PAG1: variants seen among roughly 807,000 people sequenced by gnomAD.
PAG1 encodes phosphoprotein membrane anchor with glycosphingolipid microdomains 1.
A neutral mutation model predicts 31.7 loss-of-function variants in PAG1; 23 were observed. The observed-to-expected ratio is 0.73, with a 90% CI of 0.52 to 1.03. The LOEUF (loss-of-function observed/expected upper bound fraction) is 1.03, where lower values mean the gene tolerates loss of function less well. PAG1 is among the 50% of genes least tolerant of loss of function. The pLI is 0.00. For missense variants in PAG1, 473 were observed against 540.7 expected, an observed-to-expected ratio of 0.87 and a Z score of 1.24; for synonymous variants, 214 against 210.3, an observed-to-expected ratio of 1.02 and a Z score of -0.15.
rs1421998002 is a variant in PAG1 at position 80,968,237 on chromosome 8, C to T, written c.*8307G>A. The T allele has an allele frequency of 6.6e-6, 1 of 152,182 alleles. No individual in the cohort carries two copies. Among genetic ancestry groups the T allele is most frequent in the Non-Finnish European group, 1.5e-5 (1 of 68,040 alleles). The allele number at this position is 152,182 out of a possible 1,614,324, so 9.4% of individuals were successfully genotyped here. A position where few individuals can be genotyped will look rare whatever the true frequency, so the allele number is the denominator to read the frequency against. ...TTTCTTCCGAAGAGTTGAAAGCATT[C>T]GTGCTTATCTCTATTATTTCGTTTG... is the stretch of plus-strand genomic sequence containing the variant. On this transcript the variant is annotated 3_prime_UTR_variant, in exon 9 of 9. Coordinates refer to ENST00000220597, the MANE Select transcript of PAG1 (RefSeq NM_018440.4).
At chr8:81,027,210 C>T (rs953250312) in intron 3 of PAG1, among the ~76,000 whole-genome samples, 1 of 152,050 alleles carries the variant, frequency 6.6e-6, no homozygotes, top group African/African-American at 2.4e-5. Flanking sequence ...CCATGTTGCC[C>T]AGGCTGGTCT....
At chr8:81,032,588 G>C (rs534161013) in intron 2 of PAG1, among the ~76,000 whole-genome samples, 8 of 152,300 alleles carry the variant, frequency 5.3e-5, no homozygotes, top group African/African-American at 1.7e-4. Flanking sequence ...GTGTTAAGAG[G>C]ATGTAGAGAT....
chr8:81,088,466 C>T (rs573883413), intron 1 of PAG1, among the ~76,000 whole-genome samples: 2 of 152,130 alleles, frequency 1.3e-5, no homozygotes, highest in South Asian at 4.2e-4. Context: ...GGGGTTAGGA[C>T]AAATTGCAAA....
intron 1 of PAG1, among the ~76,000 whole-genome samples, chr8:81,108,758 G>T (rs1483062080): frequency 6.6e-6 from 1 of 152,144 alleles, no homozygotes; most frequent in African/African-American, 2.4e-5. Flanking sequence ...AGGAAGTACT[G>T]CTCACACAGC....
At chr8:81,065,652 G>A (rs1268762691) in intron 2 of PAG1, among the ~76,000 whole-genome samples, 1 of 151,416 alleles carries the variant, frequency 6.6e-6, no homozygotes, top group Non-Finnish European at 1.5e-5. Flanking sequence ...CCCATTAGAA[G>A]CATTTTTCAA....
In PAG1 at chr8:81,051,701, TG is replaced by T. The variant is rs146049359; in HGVS notation, c.-175+18410del. ...AACATTAAACTCTATTGTACTCTGA[TG>T]TTTCCTTTGATCTTTGATTTTATGT... On this transcript the variant is annotated intron_variant, in intron 2 of 8. Transcript: ENST00000220597. Among the ~76,000 whole-genome samples the T allele has an allele frequency of 1.2e-3, 179 of 152,382 alleles. 5 individuals are homozygous for T. In the East Asian group the frequency reaches 0.033, roughly 28 times the overall value.
rs372502522 is a variant in PAG1 at position 81,073,378 on chromosome 8, C to T, written c.-233-3208G>A. The stretch of plus-strand genomic sequence containing the variant: ...TGAGAGCATCAAATGAGACAAGCGA[C>T]AGGATTCTCAGATGGAATTTGATGT... On this transcript the variant is annotated intron_variant, in intron 1 of 8. Coordinates refer to ENST00000220597, the MANE Select transcript of PAG1 (RefSeq NM_018440.4). Among the ~76,000 whole-genome samples, 4 of 152,198 alleles carry T rather than the reference C, an allele frequency of 2.6e-5. No homozygotes were observed. The East Asian group carries it at 7.7e-4, about 29-fold the overall frequency.
intron 8 of PAG1, among the ~76,000 whole-genome samples, chr8:80,979,473 C>T (rs1052118254): frequency 6.6e-6 from 1 of 152,078 alleles, no homozygotes; most frequent in East Asian, 1.9e-4. Flanking sequence ...AAGGAAGTAT[C>T]GAGATGACCC....
At chr8:81,008,723 CTGAAGGACA>C (rs1807929764) in intron 3 of PAG1, among the ~76,000 whole-genome samples, 1 of 152,000 alleles carries the variant, frequency 6.6e-6, no homozygotes, top group African/African-American at 2.4e-5. Flanking sequence ...TTCAGATGAA[CTGAAGGACA>C]TGCTCTGCCA....
At chr8:81,094,447 G>C (rs1421863290) in intron 1 of PAG1, among the ~76,000 whole-genome samples, 1 of 152,152 alleles carries the variant, frequency 6.6e-6, no homozygotes, top group Non-Finnish European at 1.5e-5. Flanking sequence ...AGCCACTTAA[G>C]AAATAAATGA....
intron 2 of PAG1, among the ~76,000 whole-genome samples, chr8:81,044,622 C>T (rs900417160): frequency 5.3e-5 from 8 of 152,296 alleles, no homozygotes; most frequent in African/African-American, 1.9e-4. Context: ...TTTGTTACAG[C>T]AGCCACAAGA....
rs780869064 is a variant in PAG1, at chr8:81,038,067, G to C, written c.-174-7978C>G. Among the ~76,000 whole-genome samples, 129 of 152,208 alleles carry C rather than the reference G, an allele frequency of 8.5e-4. 1 individual carries two copies. The highest frequency in any genetic ancestry group is 1.7e-3 in the Non-Finnish European group (116 of 68,046). On this transcript the variant is annotated intron_variant, in intron 2 of 8. Coordinates refer to ENST00000220597, the MANE Select transcript of PAG1 (RefSeq NM_018440.4). Reference sequence around the variant, plus strand: ...CTCAGGCATTTCCTGATGAGAAACAGTTCTCTGACTTCTAAGTTATCTAAT... The same window carrying C: ...CTCAGGCATTTCCTGATGAGAAACACTTCTCTGACTTCTAAGTTATCTAAT...
chr8:81,089,803 T>C (rs1809417660), intron 1 of PAG1, among the ~76,000 whole-genome samples: 1 of 152,144 alleles, frequency 6.6e-6, no homozygotes, highest in African/African-American at 2.4e-5. Flanking sequence ...TCTGCTTGCA[T>C]GACATGCAGA....
intron 1 of PAG1, among the ~76,000 whole-genome samples, chr8:81,085,064 C>T (rs1809329556): frequency 6.6e-6 from 1 of 152,130 alleles, no homozygotes; most frequent in Non-Finnish European, 1.5e-5. Flanking sequence ...TTAAAACAAT[C>T]TAGGAGTAGC....
At chr8:81,000,437 C>G (rs1458225335) in intron 3 of PAG1, among the ~76,000 whole-genome samples, 2 of 151,780 alleles carry the variant, frequency 1.3e-5, no homozygotes, top group South Asian at 4.1e-4. Context: ...TTTTTTGAGA[C>G]AGCATCTTCC....
intron 2 of PAG1, among the ~76,000 whole-genome samples, chr8:81,058,018 T>A (rs1808856157): frequency 6.6e-6 from 1 of 152,026 alleles, no homozygotes; most frequent in African/African-American, 2.4e-5. Context: ...TTAAGGGAGG[T>A]ATCAAAAACT....
chr8:81,016,441 T>A (rs1294909990), intron 3 of PAG1, among the ~76,000 whole-genome samples: 2 of 152,222 alleles, frequency 1.3e-5, no homozygotes, highest in Non-Finnish European at 2.9e-5. Flanking sequence ...GCCTTCCACA[T>A]GCTCAGTTGT....
At chr8:81,038,869 C>T (rs1808506616) in intron 2 of PAG1, among the ~76,000 whole-genome samples, 1 of 152,172 alleles carries the variant, frequency 6.6e-6, no homozygotes, top group Admixed American at 6.5e-5. Context: ...AAATGATCTA[C>T]ATGGAACTTT....
At chr8:81,055,144 GCCTACAACTC>G (rs1465112038) in intron 2 of PAG1, among the ~76,000 whole-genome samples, 1 of 150,032 alleles carries the variant, frequency 6.7e-6, no homozygotes, top group Non-Finnish European at 1.5e-5. Context: ...GTTCACTGCA[GCCTACAACTC>G]TTGGGCTCAA....
Sources: allele counts gnomAD v4.1 joint callset (sites outside exome capture counted in the v4.1 genomes callset), GRCh38; gene constraint gnomAD v4.1.1; transcripts MANE v1.5; gene names NCBI Gene and HGNC (gene_info 2026-07-23, HGNC 2026-07-21).